The following ALPL variants were observed in gnomAD, a reference collection of about 807,000 sequenced individuals.
The protein encoded by ALPL is alkaline phosphatase, tissue-nonspecific isozyme.
In ALPL, 42 loss-of-function variants were observed where a neutral mutation model predicts 51.3. That is an observed-to-expected ratio of 0.82 (90% CI 0.64 to 1.06). ALPL has a LOEUF of 1.06. Ranked by LOEUF, ALPL falls within the 50% of genes least tolerant of loss-of-function variation. The probability of loss-of-function intolerance (pLI) is 0.00; values close to 1 mark genes in which losing one functional copy is unlikely to be tolerated. For missense variants in ALPL, 589 were observed against 709.4 expected, an observed-to-expected ratio of 0.83 and a Z score of 1.93; for synonymous variants, 279 against 296.4, an observed-to-expected ratio of 0.94 and a Z score of 0.60.
intron 1 of ALPL, among the ~76,000 whole-genome samples, chr1:21,519,291 A>G (rs1026293789): frequency 2.0e-5 from 3 of 152,220 alleles, no homozygotes; most frequent in Admixed American, 2.0e-4. Flanking sequence ...GGGCCCTGGT[A>G]CAGTCTAGCT....
chr1:21,522,923 A>G lies in ALPL; in HGVS notation c.-105+13406A>G, dbSNP rs111418839. On this transcript the variant is annotated intron_variant, in intron 1 of 11. Coordinates refer to ENST00000374840, the MANE Select transcript of ALPL (RefSeq NM_000478.6). ...CAGATACATTAATCATTTAATCCTC[A>G]TATCAGCCCTAGGAGGTAGATATTA... Among the ~76,000 whole-genome samples, 1,063 of 152,240 alleles carry G rather than the reference A, an allele frequency of 7.0e-3. 10 individuals are homozygous for G. The highest frequency in any genetic ancestry group is 0.024 in the African/African-American group (994 of 41,532).
At chr1:21,563,395 C>G in intron 5 of ALPL, 111 bp downstream of exon 5, 1 of 1,329,698 alleles carries the variant, frequency 7.5e-7, no homozygotes, top group Non-Finnish European at 1.0e-6. Flanking sequence ...TGTGGGGCTC[C>G]CAGCTCTGAT....
chr1:21,534,569 GAT>G (rs1644072940), intron 1 of ALPL, among the ~76,000 whole-genome samples: 1 of 152,174 alleles, frequency 6.6e-6, no homozygotes, highest in African/African-American at 2.4e-5. Context: ...TTTGCCAAGA[GAT>G]AGGCCCAGAG....
intron 1 of ALPL, among the ~76,000 whole-genome samples, chr1:21,521,943 C>T (rs909263107): frequency 3.3e-5 from 5 of 152,138 alleles, no homozygotes; most frequent in African/African-American, 9.7e-5. Context: ...AATGAATACT[C>T]GCAGCGAGTT....
intron 8 of ALPL, among the ~76,000 whole-genome samples, chr1:21,572,549 T>C (rs577643889): frequency 6.6e-6 from 1 of 152,292 alleles, no homozygotes; most frequent in South Asian, 2.1e-4. Flanking sequence ...AGCGCGTGAA[T>C]TCCAGGGGGC....
chr1:21,550,178 C>T (rs947111408), intron 1 of ALPL, among the ~76,000 whole-genome samples: 2 of 152,148 alleles, frequency 1.3e-5, no homozygotes, highest in African/African-American at 2.4e-5. Context: ...TGGGTCCTGA[C>T]GGTGGCGGTG....
At chr1:21,530,910 A>G (rs996180493) in intron 1 of ALPL, among the ~76,000 whole-genome samples, 4 of 147,672 alleles carry the variant, frequency 2.7e-5, no homozygotes, top group African/African-American at 5.0e-5. Flanking sequence ...TCTCCTAAGT[A>G]GCTGGGACCA....
At chr1:21,543,961 C>T (rs1359803064) in intron 1 of ALPL, among the ~76,000 whole-genome samples, 13 of 152,192 alleles carry the variant, frequency 8.5e-5, no homozygotes, top group Admixed American at 7.9e-4. Flanking sequence ...GGAAGGCCCC[C>T]GGCTGAGCTG....
intron 7 of ALPL, among the ~76,000 whole-genome samples, chr1:21,569,999 G>C (rs1335974444): frequency 6.6e-6 from 1 of 152,148 alleles, no homozygotes; most frequent in East Asian, 1.9e-4. Context: ...ACCCTAGGCT[G>C]TTCAATTCCC....
intron 1 of ALPL, 40 bp from the exon 2 acceptor site, chr1:21,553,938 G>A (rs1000678933): frequency 1.4e-6 from 1 of 734,570 alleles, no homozygotes; most frequent in Non-Finnish European, 2.5e-6. Flanking sequence ...CTCTAGAGCT[G>A]TGCCCCACAT....
At chr1:21,568,339 A>G in intron 7 of ALPL, 92 bp downstream of exon 7, 7 of 1,565,424 alleles carry the variant, frequency 4.5e-6, no homozygotes, top group Non-Finnish European at 6.1e-6. Context: ...TGTCCTCTGT[A>G]GAAAGGGCAT....
chr1:21,545,299 GTTTTTTTT>G (rs966356993), intron 1 of ALPL, among the ~76,000 whole-genome samples: 1 of 151,154 alleles, frequency 6.6e-6, no homozygotes, highest in Non-Finnish European at 1.5e-5. Flanking sequence ...TTTTGTTTTT[GTTTTTTTT>G]TAAGACAGAG....
At chr1:21,534,960 C>T (rs1178469194) in intron 1 of ALPL, among the ~76,000 whole-genome samples, 1 of 152,214 alleles carries the variant, frequency 6.6e-6, no homozygotes, top group Non-Finnish European at 1.5e-5. Flanking sequence ...TTTTTCCCCG[C>T]TGTACTTACC....
chr1:21,546,496 T>C (rs546738938), intron 1 of ALPL, among the ~76,000 whole-genome samples: 1 of 152,210 alleles, frequency 6.6e-6, no homozygotes, highest in South Asian at 2.1e-4. Flanking sequence ...TCATAACCAC[T>C]CTCCTGACTT....
At chr1:21,557,050 A>G (rs1323074122) in intron 2 of ALPL, among the ~76,000 whole-genome samples, 1 of 152,104 alleles carries the variant, frequency 6.6e-6, no homozygotes. Flanking sequence ...TCCCTCATCA[A>G]TGCTGCCTCC....
intron 1 of ALPL, among the ~76,000 whole-genome samples, chr1:21,518,779 T>A (rs4654957): frequency 0.12 from 18,911 of 152,124 alleles, 1,318 homozygotes; most frequent in African/African-American, 0.16. Context: ...CCACCCCTTT[T>A]TTCTCCCCTG....
At chr1:21,567,383 GCA>G (rs3835556) in intron 6 of ALPL, among the ~76,000 whole-genome samples, 27,833 of 152,210 alleles carry the variant, frequency 0.18, 3,110 homozygotes, top group East Asian at 0.45. Flanking sequence ...CCGTCTGCCC[GCA>G]CACACCAGCT....
At chr1:21,515,825 C>G (rs1252122040) in intron 1 of ALPL, among the ~76,000 whole-genome samples, 2 of 147,834 alleles carry the variant, frequency 1.4e-5, no homozygotes, top group Non-Finnish European at 3.0e-5. Flanking sequence ...TGAAGTGTCT[C>G]AGGCTTGTTG....
rs371373128 is a variant in ALPL, at chr1:21,577,614, C to T, written c.1541C>T (p.Ala514Val). 1.3e-5 allele frequency: 20 copies of T among 1,599,660 alleles called. No homozygotes were observed. The highest frequency in any genetic ancestry group is 2.7e-5 in the African/African-American group (2 of 74,906). ...CTTGCTGCAGGCCCCCTGCTGCTCG[C>T]GCTGGCCCTCTACCCCCTGAGCGTC... Reference protein sequence around the residue: ...GSLAAGPLLLALALYPLSVLF With the variant: ...GSLAAGPLLLVLALYPLSVLF Residue 514 changes from alanine to valine, a missense_variant, in exon 12 of 12, where the codon GCG (alanine) becomes GTG (valine). Physicochemically the swap from Ala to Val is moderately conservative, Grantham distance 64. Transcript: ENST00000374840.
Sources: allele counts gnomAD v4.1 joint callset (sites outside exome capture counted in the v4.1 genomes callset), GRCh38; gene constraint gnomAD v4.1.1; transcripts MANE v1.5; gene names NCBI Gene and HGNC (gene_info 2026-07-23, HGNC 2026-07-21).